Variants in LRP1 observed in about 807,000 individuals in gnomAD.
LRP1 encodes the protein prolow-density lipoprotein receptor-related protein 1.
A neutral mutation model predicts 541.5 loss-of-function variants in LRP1; 51 were observed. The ratio of observed to expected loss-of-function variants is 0.09; its 90% CI spans 0.08 to 0.12. LRP1 has a LOEUF of 0.12. LRP1 is among the 10% of genes least tolerant of loss of function. LRP1 has a pLI of 1.00. For missense variants in LRP1, 3,878 were observed against 6,376.2 expected (o/e 0.61, Z 13.34); for synonymous variants, 2,219 against 2,470.8 (o/e 0.90, Z 3.02).
chr12:57,171,124 G>A (rs531234604), intron 20 of LRP1, among the ~76,000 whole-genome samples: 2 of 152,326 alleles, frequency 1.3e-5, no homozygotes, highest in South Asian at 2.1e-4. Context: ...GCTGTGTGGT[G>A]TGGTGAGAAG....
chr12:57,171,347 A>G (rs545931768), intron 20 of LRP1, among the ~76,000 whole-genome samples: 3 of 152,168 alleles, frequency 2.0e-5, no homozygotes, highest in East Asian at 1.9e-4. Flanking sequence ...GTAAATGGAC[A>G]GGAGGGAGGG....
At chr12:57,163,956 A>G (rs1195354101) in intron 15 of LRP1, among the ~76,000 whole-genome samples, 1 of 152,166 alleles carries the variant, frequency 6.6e-6, no homozygotes, top group African/African-American at 2.4e-5. Context: ...GAATCACTTG[A>G]GGTCAGGAGT....
chr12:57,200,150 A>C, intron 62 of LRP1, 125 bp downstream of exon 62: 1 of 798,420 alleles, frequency 1.3e-6, no homozygotes, highest in Non-Finnish European at 2.0e-6. Context: ...TAACACCCCC[A>C]CATTTCTTGC....
intron 64 of LRP1, 48 bp from the exon 65 acceptor site, chr12:57,200,986 C>T (rs776810840): frequency 6.2e-7 from 1 of 1,613,014 alleles, no homozygotes; most frequent in South Asian, 1.1e-5. Context: ...CCTCTCCCTG[C>T]CCCTGAGTCC....
intron 41 of LRP1, among the ~76,000 whole-genome samples, chr12:57,186,656 G>A (rs1283452399): frequency 1.3e-5 from 2 of 152,204 alleles, no homozygotes; most frequent in African/African-American, 4.8e-5. Context: ...GGTACTCCAT[G>A]CTCGTAGCTT....
chr12:57,180,935 C>T (rs2036152612), intron 33 of LRP1, 128 bp downstream of exon 33: 2 of 1,341,210 alleles, frequency 1.5e-6, no homozygotes, highest in Admixed American at 2.0e-5. Context: ...CAAAGGGGCT[C>T]CTTGTTTCCT....
rs921294054 is a variant in LRP1 at position 57,183,941 on chromosome 12, G to A, written c.5929+32G>A. ...AGTGGGCAGGTTTGTGGGGCTTGGG[G>A]TGTGGCAGAGGACTGGGGGACGAAG... On this transcript the variant is annotated intron_variant, in intron 36 of 88. Coordinates refer to ENST00000243077, the MANE Select transcript of LRP1 (RefSeq NM_002332.3). This position sits in a 1 kb window ranked among gnomAD's most constrained non-coding sequence, Gnocchi z 6.1. 1 of 1,613,562 alleles carries A rather than the reference G, an allele frequency of 6.2e-7. No homozygotes were observed. Among genetic ancestry groups the A allele is most frequent in the African/African-American group, 1.3e-5 (1 of 75,048 alleles).
rs2036411575 is a variant in LRP1 at position 57,191,946 on chromosome 12, T to TACACACACCAC, written c.7429+436_7429+446dup. On this transcript the variant is annotated intron_variant, in intron 44 of 88. Coordinates refer to ENST00000243077, the MANE Select transcript of LRP1 (RefSeq NM_002332.3). ...CTACACATACCACACACACACCACA[T>TACACACACCAC]ACACACACCACATACACACACCACA... 2.1e-3 allele frequency among the ~76,000 whole-genome samples: 12 copies of TACACACACCAC among 5,672 alleles called. 1 individual carries two copies. Among genetic ancestry groups the TACACACACCAC allele is most frequent in the Non-Finnish European group, 2.8e-3 (8 of 2,822 alleles). The allele number at this position is 5,672 out of a possible 152,430, so 3.7% of individuals were successfully genotyped here. A position where few individuals can be genotyped will look rare whatever the true frequency, so the allele number is the denominator to read the frequency against.
chr12:57,194,307 G>T (rs774332245), intron 48 of LRP1, 47 bp from the exon 49 acceptor site: 128 of 1,503,668 alleles, frequency 8.5e-5, no homozygotes, highest in Non-Finnish European at 1.0e-4. Context: ...CCAGTCGGGG[G>T]TGATCCAGGG....
intron 52 of LRP1, 32 bp downstream of exon 52, chr12:57,195,431 CA>C (rs1565747118): frequency 6.3e-7 from 1 of 1,597,158 alleles, no homozygotes; most frequent in Admixed American, 1.7e-5. Flanking sequence ...AGCGGGTGGA[CA>C]GCAAATGGCC....
Position 57,200,946 on chromosome 12 carries a change from C to G in LRP1, c.10226-88C>G, listed in dbSNP as rs2036640435. On this transcript the variant is annotated intron_variant, in intron 64 of 88. Coordinates refer to ENST00000243077, the MANE Select transcript of LRP1 (RefSeq NM_002332.3). ...CCAGGCTGGATTCCTATGGCTCAAG[C>G]CTGTGTCCTCCCTGCTGAGGGATGG... 13 of 1,597,966 alleles carry G rather than the reference C, an allele frequency of 8.1e-6. 1 individual carries two copies. The South Asian group carries it at 1.3e-4, about 16-fold the overall frequency.
At chr12:57,157,261 G>A (rs1301158260) in intron 10 of LRP1, among the ~76,000 whole-genome samples, 1 of 152,230 alleles carries the variant, frequency 6.6e-6, no homozygotes, top group Non-Finnish European at 1.5e-5. Context: ...TTATAGTCTA[G>A]TTGGGGAAAC....
rs2136745016 is a variant in LRP1 at position 57,203,392 on chromosome 12, G to A, written c.10822G>A (p.Asp3608Asn). 1 of 1,606,878 alleles carries A rather than the reference G, an allele frequency of 6.2e-7. No homozygotes were observed. The highest frequency in any genetic ancestry group is 8.5e-7 in the Non-Finnish European group (1 of 1,175,514). Reference sequence around the variant, plus strand: ...CTGCCTGTGCCCATGCCCACAGAAAGACTGCACCCCCCGCTGTGACATGGA... The same window carrying A: ...CTGCCTGTGCCCATGCCCACAGAAAAACTGCACCCCCCGCTGTGACATGGA... The part of the protein sequence containing the change: ...HDCADGSDEK[D>N]CTPRCDMDQF... The change falls in exon 70 of 89, where the codon GAC (aspartate) becomes AAC (asparagine). Residue 3608 changes from aspartate to asparagine, a missense_variant. By Grantham distance (23) the Asp-to-Asn change is conservative (BLOSUM62 1). Around this residue, in one of 13 missense-constraint regions of LRP1, gnomAD observed 278 missense variants for 536.3 expected, o/e 0.52. Coordinates refer to ENST00000243077, the MANE Select transcript of LRP1 (RefSeq NM_002332.3).
rs750223784 is a variant in LRP1 at position 57,178,524 on chromosome 12, C to A, written c.4527C>A (p.Gly1509=). 1.5e-5 allele frequency: 25 copies of A among 1,614,114 alleles called. 1 individual carries two copies. In the Admixed American group the frequency reaches 4.2e-4, roughly 27 times the overall value. Residue 1509 remains glycine (G), a synonymous_variant, in exon 27 of 89, where the codon GGC becomes GGA. Transcript: ENST00000243077. This position sits in a 1 kb window ranked among gnomAD's most constrained non-coding sequence, Gnocchi z 5.8. ...NTLAKANKWT[G]HNVTVVQRTN... ...TGGCTAAGGCCAACAAGTGGACCGG[C>A]CACAATGTCACCGTGGTACAGAGGA...
At position 57,178,857 on chromosome 12, in the gene LRP1, T is replaced by C. The variant is rs746282240; in HGVS notation, c.4607-33T>C. 2.4e-5 allele frequency: 38 copies of C among 1,593,552 alleles called. No homozygotes were observed. Among genetic ancestry groups the C allele is most frequent in the Non-Finnish European group, 3.2e-5 (37 of 1,172,938 alleles). ...TAGGGAGCAGCAAGTCACAGGATGC[T>C]CTGGCTTCTTCTCTTCTCCACCCTG... On this transcript the variant is annotated intron_variant, in intron 27 of 88. Transcript: ENST00000243077. This position sits in a 1 kb window ranked among gnomAD's most constrained non-coding sequence, Gnocchi z 5.8.
At chr12:57,140,942 C>A (rs2035276508) in intron 2 of LRP1, among the ~76,000 whole-genome samples, 1 of 152,060 alleles carries the variant, frequency 6.6e-6, no homozygotes, top group East Asian at 1.9e-4. Context: ...CCATGTTGGC[C>A]AGGCTCATCT....
rs1186946834 is a variant in LRP1, at chr12:57,202,178, C to T, written c.10595-243C>T. Among the ~76,000 whole-genome samples, 5 of 152,094 alleles carry T rather than the reference C, an allele frequency of 3.3e-5. No individual in the cohort carries two copies. The East Asian group carries it at 9.7e-4, about 29-fold the overall frequency. ...CTGTGTGGAGTTTTCCCTGCCCACC[C>T]TATGGGATCTGTTCATCTCCTTCCC... is the stretch of plus-strand genomic sequence containing the variant. On this transcript the variant is annotated intron_variant, in intron 67 of 88. Transcript: ENST00000243077.
chr12:57,149,170 C>T, intron 6 of LRP1: 1 of 447,192 alleles, frequency 2.2e-6, no homozygotes, highest in East Asian at 3.4e-5. Context: ...CAAAGCACTT[C>T]CAGACTTCAC....
At position 57,145,450 on chromosome 12, in the gene LRP1, C is replaced by G; in HGVS notation, c.801C>G (p.Phe267Leu). 6.2e-7 allele frequency: 1 copy of G among 1,614,022 alleles called. No homozygotes were observed. The highest frequency in any genetic ancestry group is 8.5e-7 in the Non-Finnish European group (1 of 1,180,026). The change falls in exon 6 of 89, where the codon TTC becomes TTG. Residue 267 changes from phenylalanine to leucine, a missense_variant. By Grantham distance (22) the Phe-to-Leu change is conservative. Coordinates refer to ENST00000243077, the MANE Select transcript of LRP1 (RefSeq NM_002332.3). ...CCCGCATGCCTGGCCTAAAGGGCTT[C>G]GTGGATGAGCACACCATCAACATCT... ...KCARMPGLKG[F>L]VDEHTINISL...
Sources: allele counts gnomAD v4.1 joint callset (sites outside exome capture counted in the v4.1 genomes callset), GRCh38; gene constraint gnomAD v4.1.1; regional missense constraint gnomAD v4.1.1; non-coding constraint Gnocchi (gnomAD v3.1); transcripts MANE v1.5; gene names NCBI Gene and HGNC (gene_info 2026-07-23, HGNC 2026-07-21).